Variants in RABGAP1 observed in about 807,000 individuals in gnomAD.
RABGAP1 encodes rab GTPase-activating protein 1.
In RABGAP1, 23 loss-of-function variants were observed where a neutral mutation model predicts 137.6. The ratio of observed to expected loss-of-function variants is 0.17; its 90% CI spans 0.12 to 0.24. The LOEUF (loss-of-function observed/expected upper bound fraction) is 0.24, where lower values mean the gene tolerates loss of function less well. RABGAP1 is among the 10% of genes least tolerant of loss of function. The pLI, the probability that RABGAP1 is intolerant of heterozygous loss-of-function variation, is 1.00. For synonymous variants in RABGAP1, 451 were observed against 450.7 expected, an observed-to-expected ratio of 1.00 and a Z score of -0.01; for missense variants, 906 against 1,275.8, an observed-to-expected ratio of 0.71 and a Z score of 4.42.
chr9:123,036,701 CT>C (rs1249062827), intron 13 of RABGAP1, among the ~76,000 whole-genome samples: 10 of 151,892 alleles, frequency 6.6e-5, no homozygotes, highest in African/African-American at 2.2e-4. Flanking sequence ...GAAAAGTATT[CT>C]TTCAGTTAGT....
intron 13 of RABGAP1, among the ~76,000 whole-genome samples, chr9:123,051,024 G>A (rs1174437651): frequency 6.6e-6 from 1 of 151,522 alleles, no homozygotes; most frequent in Admixed American, 6.6e-5. Context: ...TTATGTGAAA[G>A]GCCAGGATAT....
At chr9:123,091,094 G>A (rs2132216752) in intron 21 of RABGAP1, among the ~76,000 whole-genome samples, 1 of 152,352 alleles carries the variant, frequency 6.6e-6, no homozygotes, top group Admixed American at 6.5e-5. Flanking sequence ...GCAAATGAAT[G>A]AGCATGGCTA....
chr9:122,937,351 C>T (rs981999524), upstream of RABGAP1, among the ~76,000 whole-genome samples: 9 of 152,358 alleles, frequency 5.9e-5, no homozygotes, highest in East Asian at 1.9e-4. Flanking sequence ...GTAATCCCAG[C>T]GCTTTGGGAA....
chr9:123,012,929 G>A (rs1321092787), intron 11 of RABGAP1, among the ~76,000 whole-genome samples: 2 of 152,200 alleles, frequency 1.3e-5, no homozygotes, highest in Admixed American at 6.5e-5. Context: ...GGGAAGAAAT[G>A]ATTACATTTC....
At chr9:122,976,164 C>G (rs571498548) in intron 2 of RABGAP1, among the ~76,000 whole-genome samples, 1 of 152,254 alleles carries the variant, frequency 6.6e-6, no homozygotes, top group African/African-American at 2.4e-5. Flanking sequence ...ACGTTTATGT[C>G]ATATGTTTAC....
rs2034132536 is a variant in RABGAP1, at chr9:123,065,273, A to G, written c.1795-75A>G. On this transcript the variant is annotated intron_variant, in intron 13 of 25. Coordinates refer to ENST00000373647, the MANE Select transcript of RABGAP1 (RefSeq NM_012197.4). ...CAACATTTAAAGTGTGTAAATGAGA[A>G]GACCTTGCCTAAACCTGAATAAGAG... 6.8e-6 allele frequency: 7 copies of G among 1,036,506 alleles called. No individual in the cohort carries two copies. The South Asian group carries it at 1.0e-4, about 15-fold the overall frequency. The allele number at this position is 1,036,506 out of a possible 1,614,324, so 64.2% of individuals were successfully genotyped here.
At chr9:123,018,716 A>C (rs1407861605) in intron 12 of RABGAP1, among the ~76,000 whole-genome samples, 3 of 152,266 alleles carry the variant, frequency 2.0e-5, no homozygotes, top group Admixed American at 1.3e-4. Context: ...TTAGGGCACC[A>C]GTGTCACAGA....
At chr9:123,093,961 A>T (rs783203) in intron 21 of RABGAP1, among the ~76,000 whole-genome samples, 1 of 152,144 alleles carries the variant, frequency 6.6e-6, no homozygotes, top group Non-Finnish European at 1.5e-5. Context: ...CTCAGTAGCA[A>T]TGTTTTTTAG....
In RABGAP1 at chr9:123,013,276, G is replaced by A. The variant is rs2030962521; in HGVS notation, c.1550-2267G>A. Among the ~76,000 whole-genome samples, 4 of 151,888 alleles carry A rather than the reference G, an allele frequency of 2.6e-5. No homozygotes were observed. The South Asian group carries it at 8.3e-4, about 32-fold the overall frequency. On this transcript the variant is annotated intron_variant, in intron 11 of 25. Coordinates refer to ENST00000373647, the MANE Select transcript of RABGAP1 (RefSeq NM_012197.4). ...AGAAAATTACTTGAGAGATTAGAAA[G>A]TAGGGCCAGTCTTGCAAGGTAGTGA...
intron 13 of RABGAP1, among the ~76,000 whole-genome samples, chr9:123,030,143 C>T (rs912267835): frequency 5.3e-5 from 8 of 152,100 alleles, no homozygotes; most frequent in Admixed American, 1.3e-4. Context: ...GGTTAAGTAT[C>T]GGTAAGTTCG....
intron 21 of RABGAP1, among the ~76,000 whole-genome samples, chr9:123,095,024 CA>C (rs1214772176): frequency 6.6e-6 from 1 of 151,782 alleles, no homozygotes; most frequent in East Asian, 1.9e-4. Context: ...AGAAGTTTAT[CA>C]GTTGTGTTGA....
chr9:123,001,373 A>G (rs1403112616), intron 10 of RABGAP1, among the ~76,000 whole-genome samples: 1 of 152,222 alleles, frequency 6.6e-6, no homozygotes, highest in African/African-American at 2.4e-5. Context: ...CTGTTACATA[A>G]AATGAAAGTG....
chr9:123,032,999 T>C (rs1038732972), intron 13 of RABGAP1, among the ~76,000 whole-genome samples: 4 of 152,240 alleles, frequency 2.6e-5, no homozygotes, highest in Admixed American at 1.3e-4. Flanking sequence ...ATCTCAAAAT[T>C]ATAGCGTAGT....
At chr9:123,023,402 A>G (rs898367285) in intron 13 of RABGAP1, among the ~76,000 whole-genome samples, 6 of 152,122 alleles carry the variant, frequency 3.9e-5, no homozygotes, top group Admixed American at 1.3e-4. Context: ...GCTCGTCTCG[A>G]ACTCCTGACC....
rs757108243 is a variant in RABGAP1 at position 123,098,765 on chromosome 9, A to G, written c.2784A>G (p.Lys928=). The change falls in exon 23 of 26, where the codon AAA becomes AAG. Residue 928 remains lysine, a synonymous_variant. Transcript: ENST00000373647. ...TCGACAAGGCAGAATCTGAGATTAAAAAAAACAGTTCTATCATTGGTGACT... is the reference window on the plus strand; with the variant it reads ...TCGACAAGGCAGAATCTGAGATTAAGAAAAACAGTTCTATCATTGGTGACT... ...RELDKAESEI[K]KNSSIIGDYK... 4 of 1,613,944 alleles carry G rather than the reference A, an allele frequency of 2.5e-6. No individual in the cohort carries two copies. In the Middle Eastern group the frequency reaches 4.9e-4, roughly 200 times the overall value.
chr9:123,094,181 A>T (rs1040305010), intron 21 of RABGAP1, among the ~76,000 whole-genome samples: 2 of 152,224 alleles, frequency 1.3e-5, no homozygotes, highest in African/African-American at 4.8e-5. Context: ...ATATACAATC[A>T]TATCATCTCT....
At chr9:123,044,396 CT>C (rs2033105373) in intron 13 of RABGAP1, among the ~76,000 whole-genome samples, 1 of 152,128 alleles carries the variant, frequency 6.6e-6, no homozygotes, top group African/African-American at 2.4e-5. Flanking sequence ...TTTAATCCCC[CT>C]AGAAGTATAG....
chr9:122,999,309 G>A (rs956177711), intron 10 of RABGAP1, among the ~76,000 whole-genome samples: 5 of 8,552 alleles, frequency 5.8e-4, no homozygotes, highest in Non-Finnish European at 4.7e-3. Context: ...TCAGCCTCCC[G>A]AGTAGCTGGG....
At chr9:123,075,245 T>A (rs1043278896) in intron 17 of RABGAP1, among the ~76,000 whole-genome samples, 3 of 152,312 alleles carry the variant, frequency 2.0e-5, no homozygotes, top group Admixed American at 6.5e-5. Context: ...TATATGTGTA[T>A]GTATAATTAC....
Sources: allele counts gnomAD v4.1 joint callset (sites outside exome capture counted in the v4.1 genomes callset), GRCh38; gene constraint gnomAD v4.1.1; transcripts MANE v1.5; gene names NCBI Gene and HGNC (gene_info 2026-07-23, HGNC 2026-07-21).